Variants in ADCY7 observed in about 807,000 individuals in gnomAD.
ADCY7 encodes the protein adenylate cyclase type 7.
ADCY7 carries 72 observed loss-of-function variants against 120.6 expected under a neutral mutation model. The ratio of observed to expected loss-of-function variants is 0.60; its 90% confidence interval spans 0.49 to 0.73. The LOEUF (loss-of-function observed/expected upper bound fraction) is 0.73. Among genes scored for constraint, ADCY7 ranks in the 30% least tolerant of loss-of-function variants. The probability of loss-of-function intolerance (pLI) is 0.00; values close to 1 mark genes in which losing one functional copy is unlikely to be tolerated. For missense variants in ADCY7, 1,227 were observed against 1,486.0 expected, an observed-to-expected ratio of 0.83 and a Z score of 2.87; for synonymous variants, 661 against 628.0, an observed-to-expected ratio of 1.05 and a Z score of -0.78.
At chr16:50,296,361 A>ATTTTTT (rs34381393) in intron 7 of ADCY7, among the ~76,000 whole-genome samples, 2 of 139,562 alleles carry the variant, frequency 1.4e-5, no homozygotes, top group Non-Finnish European at 1.5e-5. Flanking sequence ...CCCCATCAGA[A>ATTTTTT]TTTTTTTTTT....
At chr16:50,274,876 G>A (rs955981698) in intron 1 of ADCY7, among the ~76,000 whole-genome samples, 1 of 152,170 alleles carries the variant, frequency 6.6e-6, no homozygotes, top group Admixed American at 6.5e-5. Context: ...CAGAGAGGGT[G>A]AAGAATTGCC....
In ADCY7 at chr16:50,307,035, C is replaced by A. The variant is rs1223323785; in HGVS notation, c.1753-15C>A. On this transcript the variant is annotated splice_polypyrimidine_tract_variant and intron_variant, in intron 14 of 25. Transcript: ENST00000673801. ...ACTGCTGGTGGCCACCCCTCACAGTCCCTGCTGCCCCCAGTACCGCCTGGC... is the reference window on the plus strand; with the variant it reads ...ACTGCTGGTGGCCACCCCTCACAGTACCTGCTGCCCCCAGTACCGCCTGGC... 1 of 1,602,222 alleles carries A rather than the reference C, an allele frequency of 6.2e-7. No homozygotes were observed. Among genetic ancestry groups the A allele is most frequent in the South Asian group, 1.1e-5 (1 of 90,636 alleles).
In ADCY7 at chr16:50,305,614, C is replaced by A. The variant is rs11861597; in HGVS notation, c.1679+28C>A. The A allele has an allele frequency of 2.7e-5, 42 of 1,571,588 alleles. No homozygotes were observed. The African/African-American group carries it at 3.4e-4, about 13-fold the overall frequency. On this transcript the variant is annotated intron_variant, in intron 13 of 25. Coordinates refer to ENST00000673801, the MANE Select transcript of ADCY7 (RefSeq NM_001114.5). ...GAGGTCTGAGACCTCTGTCCACCCC[C>A]CTCTCCTCTCCCCCTCGGATAGGGG...
At chr16:50,314,104 C>T in intron 23 of ADCY7, 42 bp downstream of exon 23, 1 of 1,580,064 alleles carries the variant, frequency 6.3e-7, no homozygotes, top group South Asian at 1.1e-5. Flanking sequence ...ACTGTCCTCA[C>T]TTAAAGGTGA....
intron 21 of ADCY7, 131 bp from the exon 22 acceptor site, chr16:50,312,759 C>A: frequency 1.7e-6 from 1 of 580,766 alleles, no homozygotes; most frequent in Non-Finnish European, 2.8e-6. Flanking sequence ...ACTCATGCAG[C>A]CCGCCCCCCT....
chr16:50,300,940 G>C, intron 9 of ADCY7, 67 bp downstream of exon 9: 1 of 1,541,066 alleles, frequency 6.5e-7, no homozygotes, highest in Non-Finnish European at 8.8e-7. Context: ...GGGTTCTGCG[G>C]TTGGGGGTGG....
Position 50,283,952 on chromosome 16 carries a change from G to A in ADCY7, c.-268-3960G>A, listed in dbSNP as rs911955716. Among the ~76,000 whole-genome samples, 9 of 152,206 alleles carry A rather than the reference G, an allele frequency of 5.9e-5. No individual in the cohort carries two copies. In the South Asian group the frequency reaches 8.3e-4, roughly 14 times the overall value. ...AGCTAACAGCAGGGTCATTCAATCC[G>A]GGAGCCCTGGATTGGATGTGTCTCA... On this transcript the variant is annotated intron_variant, in intron 1 of 25. Coordinates refer to ENST00000673801, the MANE Select transcript of ADCY7 (RefSeq NM_001114.5).
At chr16:50,277,821 C>T (rs1378219717) in intron 1 of ADCY7, among the ~76,000 whole-genome samples, 2 of 152,000 alleles carry the variant, frequency 1.3e-5, no homozygotes, top group Non-Finnish European at 2.9e-5. Flanking sequence ...CAGGCACCCG[C>T]CACCACGCCC....
chr16:50,301,124 G>A lies in ADCY7; in HGVS notation c.1278G>A (p.Lys426=), dbSNP rs867190854. The A allele has an allele frequency of 9.9e-6, 16 of 1,614,016 alleles. No homozygotes were observed. In the Middle Eastern group the frequency reaches 2.6e-3, roughly 267 times the overall value. The change falls in exon 10 of 26, where the codon AAG becomes AAA. Residue 426 remains lysine (K), a synonymous_variant. Coordinates refer to ENST00000673801, the MANE Select transcript of ADCY7 (RefSeq NM_001114.5). ...ITEATLKHLD[K]AYEVEDGHGQ... ...AGGCCACGCTAAAGCACCTGGACAAGGCGTACGAGGTGGAGGATGGGCACG... is the reference window on the plus strand; with the variant it reads ...AGGCCACGCTAAAGCACCTGGACAAAGCGTACGAGGTGGAGGATGGGCACG...
intron 11 of ADCY7, 78 bp downstream of exon 11, chr16:50,304,629 C>A: frequency 7.2e-7 from 1 of 1,391,138 alleles, no homozygotes; most frequent in Non-Finnish European, 9.8e-7. Context: ...TGAAGATCTC[C>A]TGCCCTCTCA....
chr16:50,281,202 G>C lies in ADCY7; in HGVS notation c.-268-6710G>C, dbSNP rs542653110. On this transcript the variant is annotated intron_variant, in intron 1 of 25. Transcript: ENST00000673801. Reference sequence around the variant, plus strand: ...CCAATTTGTCTTGCAAGCTTGGCCTGTTGGACATCATGACCTGTGCAGACA... The same window carrying C: ...CCAATTTGTCTTGCAAGCTTGGCCTCTTGGACATCATGACCTGTGCAGACA... Among the ~76,000 whole-genome samples, 3 of 152,336 alleles carry C rather than the reference G, an allele frequency of 2.0e-5. No homozygotes were observed. In the East Asian group the frequency reaches 5.8e-4, roughly 29 times the overall value.
chr16:50,298,104 C>T (rs2035476049), intron 7 of ADCY7, among the ~76,000 whole-genome samples: 1 of 152,018 alleles, frequency 6.6e-6, no homozygotes. Flanking sequence ...ACTCTGCCCT[C>T]CCCATTCCCT....
At chr16:50,272,839 G>A (rs1018600090) in intron 1 of ADCY7, among the ~76,000 whole-genome samples, 6 of 152,162 alleles carry the variant, frequency 3.9e-5, no homozygotes, top group African/African-American at 1.4e-4. Flanking sequence ...CTGGCTGGGA[G>A]GAGGAGCCCT....
chr16:50,312,060 T>G lies in ADCY7; in HGVS notation c.2473T>G (p.Cys825Gly), dbSNP rs1384650654. 6.2e-7 allele frequency: 1 copy of G among 1,614,212 alleles called. No homozygotes were observed. Among genetic ancestry groups the G allele is most frequent in the Non-Finnish European group, 8.5e-7 (1 of 1,180,038 alleles). Residue 825 changes from cysteine to glycine, a missense_variant, in exon 21 of 26, where the codon TGC (cysteine) becomes GGC (glycine). Cys to Gly is a radical substitution (Grantham distance 159, BLOSUM62 -3). Transcript: ENST00000673801. ...GATTGACTATTACTGCCGCTTGGACTGCCTATGGAAGAAGAAGTTCAAGAA... is the reference window on the plus strand; with the variant it reads ...GATTGACTATTACTGCCGCTTGGACGGCCTATGGAAGAAGAAGTTCAAGAA... Reference protein sequence around the residue: ...RQIDYYCRLDCLWKKKFKKEH... With the variant: ...RQIDYYCRLDGLWKKKFKKEH...
chr16:50,312,635 C>CA (rs1283943127), intron 21 of ADCY7, among the ~76,000 whole-genome samples: 4 of 152,214 alleles, frequency 2.6e-5, no homozygotes, highest in African/African-American at 9.6e-5. Flanking sequence ...CAGAGGTTCT[C>CA]ACCCCATGTG....
At chr16:50,281,387 G>T (rs2034253701) in intron 1 of ADCY7, among the ~76,000 whole-genome samples, 1 of 152,058 alleles carries the variant, frequency 6.6e-6, no homozygotes, top group Admixed American at 6.5e-5. Flanking sequence ...GGCAGGTAAG[G>T]CAGGTGCGGC....
intron 24 of ADCY7, 44 bp downstream of exon 24, chr16:50,314,450 G>T: frequency 6.7e-7 from 1 of 1,488,726 alleles, no homozygotes. Context: ...CCTGCCTCTA[G>T]GCCAGTCCAC....
rs1409807660 is a variant in ADCY7, at chr16:50,298,890, C to T, written c.949-14C>T. On this transcript the variant is annotated splice_polypyrimidine_tract_variant and intron_variant, in intron 7 of 25. Coordinates refer to ENST00000673801, the MANE Select transcript of ADCY7 (RefSeq NM_001114.5). ...CACATCTTCCAGTGACCAGGCCCTTCCCTCACCCTGCAGGCCAACGAGTGC... is the reference window on the plus strand; with the variant it reads ...CACATCTTCCAGTGACCAGGCCCTTTCCTCACCCTGCAGGCCAACGAGTGC... 6.2e-7 allele frequency: 1 copy of T among 1,610,948 alleles called. No homozygotes were observed. The highest frequency in any genetic ancestry group is 8.5e-7 in the Non-Finnish European group (1 of 1,178,000).
At chr16:50,267,086 A>G (rs1321741350) in intron 1 of ADCY7, among the ~76,000 whole-genome samples, 1 of 152,238 alleles carries the variant, frequency 6.6e-6, no homozygotes. Context: ...GGGAAGGCCA[A>G]TTCAACTAAT....
Sources: allele counts gnomAD v4.1 joint callset (sites outside exome capture counted in the v4.1 genomes callset), GRCh38; gene constraint gnomAD v4.1.1; transcripts MANE v1.5; gene names NCBI Gene and HGNC (gene_info 2026-07-23, HGNC 2026-07-21).